Variants in ASAH1 observed in about 807,000 individuals in gnomAD.
ASAH1 encodes the protein N-acylsphingosine amidohydrolase 1, also known as acid ceramidase.
ASAH1 carries 70 observed loss-of-function variants against 59.5 expected under a neutral mutation model. That is an observed-to-expected ratio of 1.18 (90% CI 0.97 to 1.43). The LOEUF (loss-of-function observed/expected upper bound fraction) is 1.43. Ranked by LOEUF, ASAH1 falls within the 40% of genes most tolerant of loss-of-function variation. The pLI, the probability that ASAH1 is intolerant of heterozygous loss-of-function variation, is 0.00. For synonymous variants in ASAH1, 213 were observed against 166.5 expected (o/e 1.28, Z -2.15); for missense variants, 660 against 482.5 (o/e 1.37, Z -3.45).
chr8:18,075,144 C>T (rs530987099), intron 2 of ASAH1, among the ~76,000 whole-genome samples: 31 of 151,736 alleles, frequency 2.0e-4, no homozygotes, highest in Non-Finnish European at 3.5e-4. Flanking sequence ...TACAGGCGCC[C>T]GCCACCACGC....
At chr8:18,071,860 C>T (rs1367621011) in intron 2 of ASAH1, among the ~76,000 whole-genome samples, 1 of 152,158 alleles carries the variant, frequency 6.6e-6, no homozygotes, top group African/African-American at 2.4e-5. Context: ...CTTTTAAGCC[C>T]CAGATGGCAA....
intron 5 of ASAH1, 109 bp from the exon 6 acceptor site, chr8:18,064,640 C>T: frequency 1.4e-6 from 1 of 715,054 alleles, no homozygotes. Flanking sequence ...TGTGCTTTGG[C>T]CAGTGGGGCT....
chr8:18,079,008 G>A (rs1800529709), intron 1 of ASAH1, among the ~76,000 whole-genome samples: 1 of 152,134 alleles, frequency 6.6e-6, no homozygotes, highest in Non-Finnish European at 1.5e-5. Flanking sequence ...CAGGCATGGT[G>A]GCTCATGCCT....
intron 2 of ASAH1, 82 bp downstream of exon 2, chr8:18,075,459 C>A (rs767663269): frequency 5.9e-6 from 8 of 1,360,256 alleles, no homozygotes; most frequent in African/African-American, 1.4e-5. Flanking sequence ...TATTCACTAT[C>A]GTTCGTTTAT....
chr8:18,084,370 C>T (rs1217567304), upstream of ASAH1: 4 of 1,404,878 alleles, frequency 2.8e-6, 1 homozygote, highest in East Asian at 2.7e-5. Context: ...CGGACCGAGC[C>T]GGAGCCCCGC....
chr8:18,062,739 C>A, intron 7 of ASAH1: 1 of 413,902 alleles, frequency 2.4e-6, no homozygotes. Flanking sequence ...AGAGCATGTC[C>A]CTCTTGTCTC....
chr8:18,059,391 C>G lies in ASAH1; in HGVS notation c.991G>C (p.Asp331His). ...YDRWKHPFFL[D>H]DRRTPAKMCL... ...ATCTTTGCAGGCGTTCTGCGATCAT[C>G]AAGGAAGAAGGGATGTTTCCAACGG... Residue 331 changes from aspartate (D) to histidine (H), a missense_variant, in exon 12 of 14, where the codon GAT becomes CAT. Asp to His is a moderately conservative substitution (Grantham distance 81). Transcript: ENST00000637790. The G allele has an allele frequency of 6.2e-7, 1 of 1,614,208 alleles. No individual in the cohort carries two copies. Among genetic ancestry groups the G allele is most frequent in the Non-Finnish European group, 8.5e-7 (1 of 1,180,034 alleles).
At position 18,084,033 on chromosome 8, in the gene ASAH1, A is replaced by G; in HGVS notation, c.26T>C (p.Leu9Ser). ...GCTGACGGCGGCAGCCAGGAGGACT[A>G]AGGCGACGCAACTCCGGCCCGGCAT... Reference protein sequence around the residue: MPGRSCVALVLLAAAVSCA... With the variant: MPGRSCVASVLLAAAVSCA... Residue 9 changes from leucine (L) to serine (S), a missense_variant, in exon 1 of 14, where the codon TTA becomes TCA. By Grantham distance (145) the Leu-to-Ser change is moderately radical. Coordinates refer to ENST00000637790, the MANE Select transcript of ASAH1 (RefSeq NM_177924.5). 6.3e-7 allele frequency: 1 copy of G among 1,598,764 alleles called. No individual in the cohort carries two copies. Among genetic ancestry groups the G allele is most frequent in the Non-Finnish European group, 8.5e-7 (1 of 1,179,656 alleles).
chr8:18,081,770 T>C (rs558611672), intron 1 of ASAH1, among the ~76,000 whole-genome samples: 1 of 152,352 alleles, frequency 6.6e-6, no homozygotes, highest in East Asian at 1.9e-4. Context: ...TATCTTTTGT[T>C]ACCATGAGGC....
At chr8:18,077,452 A>T (rs1362591903) in intron 1 of ASAH1, among the ~76,000 whole-genome samples, 1 of 152,188 alleles carries the variant, frequency 6.6e-6, no homozygotes, top group Admixed American at 6.5e-5. Flanking sequence ...CTTCGAAAAC[A>T]TCCTCGCCTG....
chr8:18,069,585 C>A, intron 4 of ASAH1: 1 of 513,930 alleles, frequency 1.9e-6, no homozygotes, highest in South Asian at 2.2e-5. Context: ...TAGTCCCATC[C>A]CCTTTTACGA....
chr8:18,079,414 T>C (rs1800555919), intron 1 of ASAH1, among the ~76,000 whole-genome samples: 1 of 151,840 alleles, frequency 6.6e-6, no homozygotes, highest in Non-Finnish European at 1.5e-5. Context: ...GAGAAATTAA[T>C]TACAGAGCTA....
In ASAH1 at chr8:18,064,439, C is replaced by G; in HGVS notation, c.457+18G>C. The G allele has an allele frequency of 6.5e-7, 1 of 1,536,232 alleles. No homozygotes were observed. The highest frequency in any genetic ancestry group is 9.0e-7 in the Non-Finnish European group (1 of 1,111,974). On this transcript the variant is annotated intron_variant, in intron 6 of 13. Transcript: ENST00000637790. Reference sequence around the variant, plus strand: ...TGTAGTGCTTCATGCTGCCCACCCTCCCTCAGCGCACAATTACCTTTTTTG... The same window carrying G: ...TGTAGTGCTTCATGCTGCCCACCCTGCCTCAGCGCACAATTACCTTTTTTG...
intron 4 of ASAH1, chr8:18,067,916 C>A (rs983348893): frequency 1.3e-5 from 2 of 152,186 alleles, no homozygotes; most frequent in Non-Finnish European, 2.9e-5. Flanking sequence ...AGTTCACGGC[C>A]TTTTGCTGAG....
chr8:18,062,124 C>T (rs983875860), intron 8 of ASAH1, 155 bp downstream of exon 8: 29 of 988,962 alleles, frequency 2.9e-5, no homozygotes, highest in Admixed American at 8.7e-5. Context: ...TTCTCTACCA[C>T]GAGATCTCAT....
chr8:18,059,695 T>C lies in ASAH1; in HGVS notation c.794A>G (p.Glu265Gly). The C allele has an allele frequency of 2.5e-6, 4 of 1,613,972 alleles. No homozygotes were observed. Among genetic ancestry groups the C allele is most frequent in the Non-Finnish European group, 3.4e-6 (4 of 1,179,862 alleles). The change falls in exon 11 of 14, where the codon GAA becomes GGA. Residue 265 changes from glutamate to glycine, a missense_variant. Physicochemically the swap from Glu to Gly is moderately conservative, Grantham distance 98. Coordinates refer to ENST00000637790, the MANE Select transcript of ASAH1 (RefSeq NM_177924.5). ...TVLENSTSYEEAKNLLTKTKI... is the reference protein window; with the variant it reads ...TVLENSTSYEGAKNLLTKTKI... ...GGTCTTGGTCAATAAATTCTTGGCT[T>C]CTTCATAACTATATAGAAACATTTA...
At chr8:18,062,234 G>T (rs760287134) in intron 8 of ASAH1, 45 bp downstream of exon 8, 1 of 1,613,274 alleles carries the variant, frequency 6.2e-7, no homozygotes, top group Admixed American at 1.7e-5. Context: ...AACGGTAACA[G>T]GACAGAAGGC....
intron 3 of ASAH1, among the ~76,000 whole-genome samples, chr8:18,070,296 T>A (rs1281401702): frequency 6.6e-6 from 1 of 152,146 alleles, no homozygotes; most frequent in Non-Finnish European, 1.5e-5. Flanking sequence ...ACTACAGGCA[T>A]GCACCACCAT....
At chr8:18,059,171 T>G in intron 12 of ASAH1, 170 bp downstream of exon 12, 1 of 1,025,264 alleles carries the variant, frequency 9.8e-7, no homozygotes, top group Non-Finnish European at 1.4e-6. Context: ...TACAGCACAA[T>G]TTTGCTCTTT....
Sources: allele counts gnomAD v4.1 joint callset (sites outside exome capture counted in the v4.1 genomes callset), GRCh38; gene constraint gnomAD v4.1.1; transcripts MANE v1.5; gene names NCBI Gene and HGNC (gene_info 2026-07-23, HGNC 2026-07-21).